The following TRAK2 variants were observed in gnomAD, a reference collection of about 807,000 sequenced individuals.
TRAK2 encodes trafficking kinesin-binding protein 2.
In TRAK2, 81 loss-of-function variants were observed where a neutral mutation model predicts 104.6. The ratio of observed to expected loss-of-function variants is 0.77; its 90% CI spans 0.65 to 0.93. The LOEUF is 0.93. TRAK2 is among the 40% of genes least tolerant of loss of function. The pLI, the probability that TRAK2 is intolerant of heterozygous loss-of-function variation, is 0.00. For synonymous variants in TRAK2, 406 were observed against 394.4 expected (o/e 1.03, Z -0.35); for missense variants, 1,002 against 1,089.0 (o/e 0.92, Z 1.12).
At chr2:201,442,304 T>A (rs1187964532) in intron 1 of TRAK2, among the ~76,000 whole-genome samples, 1 of 150,310 alleles carries the variant, frequency 6.7e-6, no homozygotes. Context: ...GGCAGGAGAA[T>A]GGCGTGAACC....
At chr2:201,448,042 A>C (rs1951976922) in intron 1 of TRAK2, among the ~76,000 whole-genome samples, 1 of 152,262 alleles carries the variant, frequency 6.6e-6, no homozygotes, top group African/African-American at 2.4e-5. Flanking sequence ...TAAAGATTTG[A>C]TCACTGAAGG....
Position 201,387,913 on chromosome 2 carries a change from A to G in TRAK2, c.1486T>C (p.Tyr496His), listed in dbSNP as rs760392826. 3 of 1,614,154 alleles carry G rather than the reference A, an allele frequency of 1.9e-6. No individual in the cohort carries two copies. The highest frequency in any genetic ancestry group is 1.1e-5 in the South Asian group (1 of 91,082). Reference protein sequence around the residue: ...LHRLSLRRQNYLSEKQFFAEE... With the variant: ...LHRLSLRRQNHLSEKQFFAEE... Reference sequence around the variant, plus strand: ...GCAAAGAACTGCTTCTCACTTAAATAGTTTTGTCGACGCAAGCTAAGGCGA... The same window carrying G: ...GCAAAGAACTGCTTCTCACTTAAATGGTTTTGTCGACGCAAGCTAAGGCGA... Residue 496 changes from tyrosine to histidine, a missense_variant, in exon 13 of 16, where the codon TAT becomes CAT. Physicochemically the swap from Tyr to His is moderately conservative, Grantham distance 83. Transcript: ENST00000332624.
Position 201,395,409 on chromosome 2 carries a change from C to T in TRAK2, c.805G>A (p.Glu269Lys). The T allele has an allele frequency of 1.3e-6, 2 of 1,580,398 alleles. No individual in the cohort carries two copies. The highest frequency in any genetic ancestry group is 1.7e-6 in the Non-Finnish European group (2 of 1,156,452). The change falls in exon 8 of 16, where the codon GAA becomes AAA. Residue 269 changes from glutamate to lysine, a missense_variant. By Grantham distance (56) the Glu-to-Lys change is moderately conservative. Coordinates refer to ENST00000332624, the MANE Select transcript of TRAK2 (RefSeq NM_015049.3). Reference sequence around the variant, plus strand: ...AGCTCATCACTCTTCCCTGACAATTCTTCAGTCATTCTGGACATCTGAGCA... The same window carrying T: ...AGCTCATCACTCTTCCCTGACAATTTTTCAGTCATTCTGGACATCTGAGCA... ...TNAQMSRMTE[E>K]LSGKSDELIR... is the part of the protein sequence containing the mutation.
intron 15 of TRAK2, 76 bp downstream of exon 15, chr2:201,384,035 G>C: frequency 2.2e-6 from 2 of 904,522 alleles, no homozygotes; most frequent in South Asian, 2.9e-5. Context: ...TTAAAATGAA[G>C]GTAATTTTAA....
intron 12 of TRAK2, 130 bp downstream of exon 12, chr2:201,389,170 A>G (rs1951420540): frequency 1.1e-6 from 1 of 909,772 alleles, no homozygotes; most frequent in African/African-American, 1.6e-5. Flanking sequence ...ACAAGGCATC[A>G]TAAGTGAAGG....
At chr2:201,415,493 T>G (rs1239108437) in intron 2 of TRAK2, among the ~76,000 whole-genome samples, 1 of 152,048 alleles carries the variant, frequency 6.6e-6, no homozygotes, top group East Asian at 1.9e-4. Flanking sequence ...CTCAAAGATT[T>G]AAGGGGAAAA....
At chr2:201,436,636 C>T (rs1349852891) in intron 1 of TRAK2, among the ~76,000 whole-genome samples, 1 of 152,040 alleles carries the variant, frequency 6.6e-6, no homozygotes, top group African/African-American at 2.4e-5. Flanking sequence ...AAATCTATGT[C>T]CTCATTTCTC....
At chr2:201,384,050 A>C in intron 15 of TRAK2, 61 bp downstream of exon 15, 4 of 1,070,774 alleles carry the variant, frequency 3.7e-6, no homozygotes, top group Non-Finnish European at 5.6e-6. Context: ...TTTTAAAAAG[A>C]AATTCATGAA....
At chr2:201,399,711 G>A (rs756385112) in intron 4 of TRAK2, among the ~76,000 whole-genome samples, 18 of 152,018 alleles carry the variant, frequency 1.2e-4, no homozygotes, top group Non-Finnish European at 2.4e-4. Context: ...AATGCAAGAG[G>A]ACATCTCTTT....
At chr2:201,395,151 A>G in intron 8 of TRAK2, 163 bp downstream of exon 8, 1 of 641,894 alleles carries the variant, frequency 1.6e-6, no homozygotes, top group Non-Finnish European at 2.6e-6. Context: ...TTTATTCATG[A>G]TATCTTATAT....
intron 3 of TRAK2, among the ~76,000 whole-genome samples, chr2:201,401,990 T>C (rs912799192): frequency 1.3e-5 from 2 of 151,828 alleles, no homozygotes; most frequent in African/African-American, 4.8e-5. Context: ...GGCTTTGGAG[T>C]AGAAAAGCTG....
At chr2:201,400,992 A>G in intron 4 of TRAK2, 26 bp downstream of exon 4, 2 of 1,579,954 alleles carry the variant, frequency 1.3e-6, no homozygotes, top group Non-Finnish European at 1.7e-6. Flanking sequence ...ACCTTTTTGT[A>G]CTGGAGAAAG....
intron 2 of TRAK2, chr2:201,412,635 A>G: frequency 6.4e-7 from 1 of 1,564,946 alleles, no homozygotes; most frequent in Admixed American, 1.7e-5. Flanking sequence ...GATTTGGAAG[A>G]CACAATGAAG....
intron 7 of TRAK2, 129 bp from the exon 8 acceptor site, chr2:201,395,573 TAAA>T: frequency 1.1e-6 from 1 of 940,582 alleles, no homozygotes; most frequent in Non-Finnish European, 1.4e-6. Flanking sequence ...TTCTTAAACA[TAAA>T]AAAAAATCCA....
intron 15 of TRAK2, among the ~76,000 whole-genome samples, chr2:201,382,661 G>A (rs1355078039): frequency 6.6e-6 from 1 of 152,112 alleles, no homozygotes; most frequent in African/African-American, 2.4e-5. Context: ...TAAGAACAAT[G>A]TAGAAAAAAA....
Position 201,428,440 on chromosome 2 carries a change from G to T in TRAK2, c.-199-7734C>A, listed in dbSNP as rs192631056. Among the ~76,000 whole-genome samples, 578 of 152,248 alleles carry T rather than the reference G, an allele frequency of 3.8e-3. 5 individuals carry two copies. The highest frequency in any genetic ancestry group is 0.013 in the African/African-American group (537 of 41,556). On this transcript the variant is annotated intron_variant, in intron 1 of 15. Transcript: ENST00000332624. ...TTAAATAGGGAATCCTTTCCCCATT[G>T]CTTGTTTTTGTCAGGTTTGTCAAAG...
Position 201,413,245 on chromosome 2 carries a change from C to T in TRAK2, c.92-5648G>A, listed in dbSNP as rs1018174797. 75 of 1,364,766 alleles carry T rather than the reference C, an allele frequency of 5.5e-5. No homozygotes were observed. The African/African-American group carries it at 9.0e-4, about 16-fold the overall frequency. 84.5% of individuals were successfully genotyped at this position (1,364,766 alleles called of 1,614,324 possible). A position where few individuals can be genotyped will look rare whatever the true frequency, so the allele number is the denominator to read the frequency against. ...CTAGTGACAGGATTTCTCATTACAG[C>T]ACTAGTGACATCAGCTGTTACTTCT... On this transcript the variant is annotated intron_variant, in intron 2 of 15. Transcript: ENST00000332624.
At chr2:201,405,111 G>C (rs1175497749) in intron 3 of TRAK2, among the ~76,000 whole-genome samples, 1 of 152,182 alleles carries the variant, frequency 6.6e-6, no homozygotes, top group African/African-American at 2.4e-5. Flanking sequence ...AACGCTAAGT[G>C]TCTTAGGGTG....
In TRAK2 at chr2:201,394,849, T is replaced by C. The variant is rs1387857961; in HGVS notation, c.924A>G (p.Leu308=). The C allele has an allele frequency of 1.4e-5, 23 of 1,613,904 alleles. No homozygotes were observed. The highest frequency in any genetic ancestry group is 1.9e-5 in the Non-Finnish European group (23 of 1,179,940). Residue 308 remains leucine, a synonymous_variant, in exon 9 of 16, where the codon CTA becomes CTG. Coordinates refer to ENST00000332624, the MANE Select transcript of TRAK2 (RefSeq NM_015049.3). ...CTTTGGAAGCTTGCAGGTGAAGTTT[T>C]AGTTCTTCCTTCTCAATCACATGCT... ...LKEHVIEKEE[L]KLHLQASKDA...
Sources: allele counts gnomAD v4.1 joint callset (sites outside exome capture counted in the v4.1 genomes callset), GRCh38; gene constraint gnomAD v4.1.1; transcripts MANE v1.5; gene names NCBI Gene and HGNC (gene_info 2026-07-23, HGNC 2026-07-21).